Variants in GPR83 observed in about 807,000 individuals in gnomAD.
GPR83 encodes the protein G-protein coupled receptor 72.
In GPR83, 23 loss-of-function variants were observed where a neutral mutation model predicts 28.0. The ratio of observed to expected loss-of-function variants is 0.82; its 90% confidence interval spans 0.59 to 1.16. GPR83 has a LOEUF of 1.16. GPR83 is among the 50% of genes most tolerant of loss of function. The pLI is 0.00. For missense variants in GPR83, 610 were observed against 536.6 expected, an observed-to-expected ratio of 1.14 and a Z score of -1.35; for synonymous variants, 234 against 215.4, an observed-to-expected ratio of 1.09 and a Z score of -0.76.
rs1188369111 is a variant in GPR83 at position 94,377,907 on chromosome 11, G to C, written c.*2242C>G. 1.3e-5 allele frequency: 2 copies of C among 152,172 alleles called. No homozygotes were observed. Among genetic ancestry groups the C allele is most frequent in the African/African-American group, 4.8e-5 (2 of 41,444 alleles). 9.4% of individuals were successfully genotyped at this position (152,172 alleles called of 1,614,324 possible). On this transcript the variant is annotated 3_prime_UTR_variant, in exon 4 of 4. Coordinates refer to ENST00000243673, the MANE Select transcript of GPR83 (RefSeq NM_016540.4). ...GCTTCTGTATTCCTAGACACCCTCAGAGAGGAGTGAAGTACAACATCCTCC... is the reference window on the plus strand; with the variant it reads ...GCTTCTGTATTCCTAGACACCCTCACAGAGGAGTGAAGTACAACATCCTCC...
Position 94,401,403 on chromosome 11 carries a change from CAGCCCG to C in GPR83, c.-162_-157del. ...CGCGGAGCACCGCGCCGCCCGCCAC[CAGCCCG>C]CGGTCGGCACGCCAGCTCCGGGTTT... is the stretch of plus-strand genomic sequence containing the variant. On this transcript the variant is annotated 5_prime_UTR_variant, in exon 1 of 4. Coordinates refer to ENST00000243673, the MANE Select transcript of GPR83 (RefSeq NM_016540.4). 3.3e-6 allele frequency: 2 copies of C among 611,556 alleles called. No individual in the cohort carries two copies. Among genetic ancestry groups the C allele is most frequent in the Non-Finnish European group, 5.1e-6 (2 of 389,042 alleles). The allele number at this position is 611,556 out of a possible 1,614,324, so 37.9% of individuals were successfully genotyped here.
At chr11:94,396,575 A>G in intron 1 of GPR83, 51 bp from the exon 2 acceptor site, 1 of 1,598,112 alleles carries the variant, frequency 6.3e-7, no homozygotes, top group Non-Finnish European at 8.6e-7. Context: ...TGACTTTGAC[A>G]CCCATCCCTA....
intron 3 of GPR83, among the ~76,000 whole-genome samples, chr11:94,383,593 T>A (rs12420091): frequency 0.065 from 9,816 of 151,850 alleles, 425 homozygotes; most frequent in Admixed American, 0.13. Context: ...ACTAGAAGAC[T>A]AATAAAGAAG....
intron 3 of GPR83, among the ~76,000 whole-genome samples, chr11:94,387,902 G>C (rs556156345): frequency 7.2e-5 from 11 of 152,142 alleles, no homozygotes; most frequent in Admixed American, 7.2e-4. Flanking sequence ...TATCCCAGAC[G>C]AACATCAATG....
At chr11:94,393,696 C>T (rs1944840872) in intron 2 of GPR83, 78 bp from the exon 3 acceptor site, 1 of 1,369,556 alleles carries the variant, frequency 7.3e-7, no homozygotes, top group African/African-American at 1.4e-5. Flanking sequence ...CGCAGGTGCT[C>T]ACTCCTGTAA....
intron 3 of GPR83, among the ~76,000 whole-genome samples, chr11:94,382,374 G>A (rs944428460): frequency 2.8e-5 from 4 of 143,136 alleles, no homozygotes; most frequent in Non-Finnish European, 4.5e-5. Context: ...AAAAGCAGGA[G>A]TTACAATCCT....
At chr11:94,384,611 C>T (rs536077251) in intron 3 of GPR83, among the ~76,000 whole-genome samples, 86 of 152,224 alleles carry the variant, frequency 5.6e-4, no homozygotes, top group Middle Eastern at 3.4e-3. Flanking sequence ...GGGTGACAGA[C>T]GGCACCTGGA....
intron 2 of GPR83, among the ~76,000 whole-genome samples, chr11:94,394,521 G>C (rs1203427597): frequency 5.9e-5 from 9 of 152,180 alleles, no homozygotes; most frequent in East Asian, 1.9e-4. Context: ...TTTGAAAAAG[G>C]CATTTGGGAT....
intron 2 of GPR83, among the ~76,000 whole-genome samples, chr11:94,394,090 G>A (rs1476272372): frequency 1.3e-5 from 2 of 152,188 alleles, no homozygotes; most frequent in Admixed American, 1.3e-4. Flanking sequence ...GAGGACTGGG[G>A]AGGGGTCCAG....
Position 94,388,251 on chromosome 11 carries a change from G to T in GPR83, c.647+5234C>A, listed in dbSNP as rs1591604157. 2.0e-5 allele frequency among the ~76,000 whole-genome samples: 3 copies of T among 152,268 alleles called. No individual in the cohort carries two copies. The South Asian group carries it at 6.2e-4, about 32-fold the overall frequency. ...GGCAAAAACTGGAAGCATTCCCTTT[G>T]AAAACTGGCACAAGACAGGCATGCC... On this transcript the variant is annotated intron_variant, in intron 3 of 3. Coordinates refer to ENST00000243673, the MANE Select transcript of GPR83 (RefSeq NM_016540.4).
chr11:94,401,327 G>A lies in GPR83; in HGVS notation c.-80C>T. 1.4e-6 allele frequency: 2 copies of A among 1,400,524 alleles called. No homozygotes were observed. Among genetic ancestry groups the A allele is most frequent in the South Asian group, 1.4e-5 (1 of 70,508 alleles). 86.8% of individuals were successfully genotyped at this position (1,400,524 alleles called of 1,614,324 possible). A position where few individuals can be genotyped will look rare whatever the true frequency, so the allele number is the denominator to read the frequency against. ...TGGGATCGGAGCGCGCAGCCGGGGT[G>A]CGGGGCGCACAGCATACAAGGCCGT... is the stretch of plus-strand genomic sequence containing the variant. On this transcript the variant is annotated 5_prime_UTR_variant, in exon 1 of 4. Coordinates refer to ENST00000243673, the MANE Select transcript of GPR83 (RefSeq NM_016540.4).
At chr11:94,393,398 C>G (rs1944836311) in intron 3 of GPR83, 87 bp downstream of exon 3, 14 of 1,257,710 alleles carry the variant, frequency 1.1e-5, no homozygotes, top group Admixed American at 1.8e-5. Flanking sequence ...CAGTTGTGAG[C>G]TCCTGGGGGC....
rs1944672677 is a variant in GPR83, at chr11:94,380,324, G to A, written c.1097C>T (p.Pro366Leu). The A allele has an allele frequency of 6.2e-7, 1 of 1,611,748 alleles. No homozygotes were observed. The highest frequency in any genetic ancestry group is 8.5e-7 in the Non-Finnish European group (1 of 1,178,392). The part of the protein sequence containing the change: ...LKALLSMCQR[P>L]PKPQEDRPPS... ...TGGCCTGTCCTCCTGAGGCTTGGGA[G>A]GTCTTTGACACATGCTCAGTAATGC... Residue 366 changes from proline (P) to leucine (L), a missense_variant, in exon 4 of 4, where the codon CCT becomes CTT. Coordinates refer to ENST00000243673, the MANE Select transcript of GPR83 (RefSeq NM_016540.4).
At chr11:94,393,732 A>C (rs191122800) in intron 2 of GPR83, 114 bp from the exon 3 acceptor site, 1 of 906,920 alleles carries the variant, frequency 1.1e-6, no homozygotes, top group East Asian at 2.4e-5. Context: ...AGTCTGAGGC[A>C]GAAGGATCAC....
intron 3 of GPR83, among the ~76,000 whole-genome samples, chr11:94,381,477 G>A (rs967699453): frequency 6.6e-6 from 1 of 152,008 alleles, no homozygotes; most frequent in Non-Finnish European, 1.5e-5. Context: ...TAGAATTCCT[G>A]GAGGGGGCCT....
At position 94,378,836 on chromosome 11, in the gene GPR83, G is replaced by A. The variant is rs1335326504; in HGVS notation, c.*1313C>T. 1 of 152,394 alleles carries A rather than the reference G, an allele frequency of 6.6e-6. No homozygotes were observed. The highest frequency in any genetic ancestry group is 2.4e-5 in the African/African-American group (1 of 41,418). The allele number at this position is 152,394 out of a possible 1,614,324, so 9.4% of individuals were successfully genotyped here. On this transcript the variant is annotated 3_prime_UTR_variant, in exon 4 of 4. Coordinates refer to ENST00000243673, the MANE Select transcript of GPR83 (RefSeq NM_016540.4). Reference sequence around the variant, plus strand: ...CACTTGTTTTTGTGCAATTGCAGGAGAGAAGGAATCATGCCTCCTGGTTGA... The same window carrying A: ...CACTTGTTTTTGTGCAATTGCAGGAAAGAAGGAATCATGCCTCCTGGTTGA...
rs1182406854 is a variant in GPR83 at position 94,385,674 on chromosome 11, G to T, written c.648-4901C>A. On this transcript the variant is annotated intron_variant, in intron 3 of 3. Coordinates refer to ENST00000243673, the MANE Select transcript of GPR83 (RefSeq NM_016540.4). ...AAATGAATAAAAAGAAATGAACAAA[G>T]CCTCCAAGAAATATGGGACTATGCG... 2.6e-5 allele frequency among the ~76,000 whole-genome samples: 4 copies of T among 152,152 alleles called. No homozygotes were observed. The South Asian group carries it at 6.2e-4, about 24-fold the overall frequency.
chr11:94,398,250 T>C (rs1300616840), intron 1 of GPR83, among the ~76,000 whole-genome samples: 1 of 152,114 alleles, frequency 6.6e-6, no homozygotes, highest in African/African-American at 2.4e-5. Flanking sequence ...GTCACCCTCC[T>C]GTTTGGAATC....
intron 2 of GPR83, among the ~76,000 whole-genome samples, chr11:94,394,457 AT>A (rs1944846845): frequency 6.6e-6 from 1 of 152,232 alleles, no homozygotes; most frequent in Non-Finnish European, 1.5e-5. Context: ...AAAGGTTTAA[AT>A]AAAGACTTAG....
Sources: gnomAD v4.1 joint callset for allele counts (sites outside exome capture counted in the v4.1 genomes callset) on GRCh38, gnomAD v4.1.1 for gene constraint, MANE v1.5 for transcripts, NCBI Gene and HGNC (gene_info 2026-07-23, HGNC 2026-07-21) for gene names.